The following CCDC7 variants were observed in gnomAD, a reference collection of about 807,000 sequenced individuals.
The protein encoded by CCDC7 is coiled-coil domain containing 7, also known as coiled-coil domain-containing protein 7.
A neutral mutation model predicts 196.9 loss-of-function variants in CCDC7; 183 were observed. The ratio of observed to expected loss-of-function variants is 0.93; its 90% CI spans 0.82 to 1.05. CCDC7 has a LOEUF of 1.05. Ranked by LOEUF, CCDC7 falls within the 50% of genes least tolerant of loss-of-function variation. CCDC7 has a pLI of 0.00. For synonymous variants in CCDC7, 525 were observed against 484.6 expected (o/e 1.08, Z -1.10); for missense variants, 1,540 against 1,482.2 (o/e 1.04, Z -0.64).
At chr10:32,664,888 G>A (rs1485064893) in intron 21 of CCDC7, among the ~76,000 whole-genome samples, 1 of 151,962 alleles carries the variant, frequency 6.6e-6, no homozygotes, top group African/African-American at 2.4e-5. Context: ...AGGAATCCCT[G>A]TAGTGTTTTC....
chr10:32,797,169 A>ATG (rs745549436), intron 29 of CCDC7, among the ~76,000 whole-genome samples: 3 of 146,304 alleles, frequency 2.1e-5, no homozygotes, highest in East Asian at 2.1e-4. Flanking sequence ...GTATGTATAT[A>ATG]TGTGTGTGTG....
At chr10:32,671,545 A>C (rs1052614249) in intron 21 of CCDC7, among the ~76,000 whole-genome samples, 1 of 152,152 alleles carries the variant, frequency 6.6e-6, no homozygotes, top group African/African-American at 2.4e-5. Flanking sequence ...CTCCTAAAAA[A>C]TGTTTTGAAT....
At chr10:32,881,638 C>A (rs530110299), downstream of CCDC7, among the ~76,000 whole-genome samples, 5 of 152,224 alleles carry the variant, frequency 3.3e-5, no homozygotes, top group Admixed American at 1.3e-4. Context: ...CTTTTCCTAA[C>A]CCTTTTATCA....
chr10:32,677,239 T>A (rs1437651283), intron 21 of CCDC7, among the ~76,000 whole-genome samples: 2 of 146,972 alleles, frequency 1.4e-5, no homozygotes, highest in South Asian at 2.3e-4. Flanking sequence ...GGGGGAAGGA[T>A]AGCATTAGGA....
intron 29 of CCDC7, 83 bp downstream of exon 30, chr10:32,779,167 A>G (rs2080621770): frequency 9.5e-7 from 1 of 1,053,932 alleles, no homozygotes; most frequent in South Asian, 1.8e-5. Flanking sequence ...GTTAAAAAAC[A>G]GGAAATTCAA....
intron 20 of CCDC7, among the ~76,000 whole-genome samples, chr10:32,657,262 C>T (rs1031758847): frequency 1.3e-5 from 2 of 152,198 alleles, no homozygotes; most frequent in African/African-American, 2.4e-5. Context: ...CTAGGCAGTG[C>T]CCCAGTGGGG....
chr10:32,819,947 T>C (rs2089807231), intron 31 of CCDC7, among the ~76,000 whole-genome samples: 1 of 152,134 alleles, frequency 6.6e-6, no homozygotes, highest in Admixed American at 6.5e-5. Context: ...TTCAACATAG[T>C]GTTGGAAGTT....
chr10:32,487,961 G>T (rs184836686), intron 8 of CCDC7, among the ~76,000 whole-genome samples: 6,154 of 152,286 alleles, frequency 0.04, 131 homozygotes, highest in Middle Eastern at 0.051. Flanking sequence ...CAGTCTGTCC[G>T]TTCTCAGATC....
At chr10:32,735,161 A>G (rs1180449156) in intron 28 of CCDC7, among the ~76,000 whole-genome samples, 2 of 152,316 alleles carry the variant, frequency 1.3e-5, no homozygotes, top group African/African-American at 4.8e-5. Context: ...ACAACTTAGT[A>G]CCTGTTGGAT....
chr10:32,604,186 T>A (rs1342187731), intron 18 of CCDC7, among the ~76,000 whole-genome samples: 1 of 152,160 alleles, frequency 6.6e-6, no homozygotes, highest in Non-Finnish European at 1.5e-5. Context: ...GCACCATTTT[T>A]AGAGTCTCTC....
chr10:32,738,231 A>G (rs1185763895), intron 28 of CCDC7, among the ~76,000 whole-genome samples: 1 of 152,076 alleles, frequency 6.6e-6, no homozygotes, highest in Non-Finnish European at 1.5e-5. Flanking sequence ...AGAATTTACA[A>G]TGTACATTTA....
chr10:32,608,516 T>C (rs183034173), intron 18 of CCDC7, among the ~76,000 whole-genome samples: 1 of 152,202 alleles, frequency 6.6e-6, no homozygotes, highest in Admixed American at 6.6e-5. Context: ...TATTGTTTTA[T>C]GATTTTTTTT....
At chr10:32,506,513 T>A (rs1589307601) in intron 9 of CCDC7, among the ~76,000 whole-genome samples, 1 of 151,214 alleles carries the variant, frequency 6.6e-6, no homozygotes, top group South Asian at 2.1e-4. Context: ...GGCTGGGAGG[T>A]GGAGGTTGTA....
chr10:32,859,100 A>G (rs968772386), intron 41 of CCDC7, among the ~76,000 whole-genome samples: 14 of 152,166 alleles, frequency 9.2e-5, no homozygotes, highest in Admixed American at 7.9e-4. Context: ...TCCACCCCAA[A>G]TCAACAAAAC....
intron 21 of CCDC7, among the ~76,000 whole-genome samples, chr10:32,685,744 A>G (rs918326880): frequency 2.0e-5 from 3 of 152,188 alleles, no homozygotes; most frequent in Non-Finnish European, 2.9e-5. Context: ...TAGACTAACT[A>G]TATATGATTC....
At chr10:32,674,241 G>A (rs898541933) in intron 21 of CCDC7, among the ~76,000 whole-genome samples, 2 of 151,584 alleles carry the variant, frequency 1.3e-5, no homozygotes, top group Admixed American at 1.3e-4. Flanking sequence ...TTATGGTACT[G>A]CTTTTGCTGC....
At chr10:32,571,748 T>A (rs1265067274) in intron 15 of CCDC7, 111 bp from the exon 17 acceptor site, 11 of 1,020,356 alleles carry the variant, frequency 1.1e-5, no homozygotes, top group Non-Finnish European at 1.4e-5. Context: ...TACCTTAATC[T>A]TACGAAATTG....
chr10:32,690,581 G>A (rs894821340), intron 23 of CCDC7, among the ~76,000 whole-genome samples: 17 of 152,156 alleles, frequency 1.1e-4, no homozygotes, highest in Non-Finnish European at 2.1e-4. Flanking sequence ...ACCTGAGGGT[G>A]TGTACAAGAT....
intron 5 of CCDC7, among the ~76,000 whole-genome samples, chr10:32,469,049 G>T (rs1216123690): frequency 1.3e-5 from 2 of 152,148 alleles, no homozygotes; most frequent in Admixed American, 1.3e-4. Context: ...TGAAGAAACC[G>T]TTTAGCTGAT....
Sources: allele counts gnomAD v4.1 joint callset (sites outside exome capture counted in the v4.1 genomes callset), GRCh38; gene constraint gnomAD v4.1.1; transcripts MANE v1.5; gene names NCBI Gene and HGNC (gene_info 2026-07-23, HGNC 2026-07-21).